AP1G1: variants seen among roughly 807,000 people sequenced by gnomAD.
The protein encoded by AP1G1 is adaptor related protein complex 1 subunit gamma 1, also known as AP-1 complex subunit gamma-1.
Under a neutral mutation model 108.3 loss-of-function variants are expected in AP1G1, and 7 were observed. That is an observed-to-expected ratio of 0.06 (90% confidence interval 0.04 to 0.12). The LOEUF (loss-of-function observed/expected upper bound fraction) is 0.12. Ranked by LOEUF, AP1G1 falls within the 10% of genes least tolerant of loss-of-function variation. The pLI, the probability that AP1G1 is intolerant of heterozygous loss-of-function variation, is 1.00. For missense variants in AP1G1, 756 were observed against 1,010.7 expected (o/e 0.75, Z 3.42); for synonymous variants, 379 against 353.5 (o/e 1.07, Z -0.81).
intron 2 of AP1G1, among the ~76,000 whole-genome samples, chr16:71,777,441 T>C (rs1342314684): frequency 6.6e-6 from 1 of 151,864 alleles, no homozygotes; most frequent in African/African-American, 2.4e-5. Flanking sequence ...GGTCAGTGTC[T>C]GGGAGAGGTG....
At chr16:71,744,571 GTTT>G (rs71856788) in intron 19 of AP1G1, among the ~76,000 whole-genome samples, 5 of 114,410 alleles carry the variant, frequency 4.4e-5, no homozygotes, top group African/African-American at 6.7e-5. Flanking sequence ...GAGAAAGTGT[GTTT>G]TTTTTTTTTT....
intron 13 of AP1G1, 158 bp downstream of exon 13, chr16:71,753,675 G>C: frequency 1.4e-6 from 1 of 699,218 alleles, no homozygotes; most frequent in South Asian, 1.7e-5. Flanking sequence ...ATTCCTCCAT[G>C]CTGCTTTAGG....
intron 14 of AP1G1, 95 bp from the exon 15 acceptor site, chr16:71,750,078 T>G: frequency 1.4e-6 from 2 of 1,465,650 alleles, no homozygotes; most frequent in South Asian, 1.1e-5. Context: ...AGATCAAAAC[T>G]GTGCATATCT....
At chr16:71,758,958 G>A (rs765036203) in intron 10 of AP1G1, 37 bp from the exon 11 acceptor site, 2 of 1,206,520 alleles carry the variant, frequency 1.7e-6, no homozygotes, top group Non-Finnish European at 1.2e-6. Flanking sequence ...GAGTTAAAAT[G>A]TAAAATTCAG....
intron 2 of AP1G1, among the ~76,000 whole-genome samples, chr16:71,788,955 C>A (rs2032305337): frequency 6.6e-6 from 1 of 152,144 alleles, no homozygotes; most frequent in Non-Finnish European, 1.5e-5. Flanking sequence ...CCATGCCCAG[C>A]AAGAAACATT....
chr16:71,747,781 A>G (rs2030261352), intron 16 of AP1G1, among the ~76,000 whole-genome samples: 1 of 152,098 alleles, frequency 6.6e-6, no homozygotes, highest in Non-Finnish European at 1.5e-5. Flanking sequence ...CAGGAGTTTG[A>G]GACCAGCCTG....
Position 71,778,010 on chromosome 16 carries a change from G to A in AP1G1, c.202-3418C>T, listed in dbSNP as rs1022107212. On this transcript the variant is annotated intron_variant, in intron 2 of 22. Transcript: ENST00000299980. Reference sequence around the variant, plus strand: ...TCACACTAAGTCACCAGTGACTGACGAATACAAGCTGTTTTTTGTAACATT... The same window carrying A: ...TCACACTAAGTCACCAGTGACTGACAAATACAAGCTGTTTTTTGTAACATT... 3.3e-5 allele frequency among the ~76,000 whole-genome samples: 5 copies of A among 152,172 alleles called. No individual in the cohort carries two copies. In the East Asian group the frequency reaches 5.8e-4, roughly 18 times the overall value.
intron 1 of AP1G1, chr16:71,808,555 G>C: frequency 7.8e-7 from 1 of 1,288,276 alleles, no homozygotes; most frequent in Non-Finnish European, 1.0e-6. Context: ...GAACCTCCCG[G>C]TCCGAGGCCT....
At chr16:71,748,173 GATAAC>G (rs2030283383) in intron 16 of AP1G1, 73 bp downstream of exon 16, 1 of 1,492,292 alleles carries the variant, frequency 6.7e-7, no homozygotes, top group Non-Finnish European at 9.1e-7. Flanking sequence ...AATTTTCCAT[GATAAC>G]AAGTTTTTTG....
At chr16:71,746,539 T>C (rs1048864155) in intron 17 of AP1G1, 49 bp downstream of exon 17, 6 of 1,146,824 alleles carry the variant, frequency 5.2e-6, no homozygotes, top group Non-Finnish European at 7.6e-6. Flanking sequence ...CATGACAATT[T>C]AGTCAGGATG....
intron 2 of AP1G1, among the ~76,000 whole-genome samples, chr16:71,787,529 AT>A (rs1019981297): frequency 1.3e-5 from 2 of 152,212 alleles, no homozygotes; most frequent in African/African-American, 4.8e-5. Flanking sequence ...TTCCTTGGGA[AT>A]ATGTAAATGT....
At chr16:71,799,200 T>C (rs2142276530) in intron 1 of AP1G1, among the ~76,000 whole-genome samples, 1 of 152,272 alleles carries the variant, frequency 6.6e-6, no homozygotes. Context: ...GTTACTGCTA[T>C]TTGGGATGAA....
chr16:71,760,158 C>T (rs7197104), intron 10 of AP1G1, among the ~76,000 whole-genome samples: 34,554 of 151,808 alleles, frequency 0.23, 4,586 homozygotes, highest in Non-Finnish European at 0.31. Context: ...GTGTGAGCCA[C>T]CACGCCCGGC....
intron 15 of AP1G1, among the ~76,000 whole-genome samples, chr16:71,748,939 C>T (rs1056287747): frequency 2.0e-5 from 3 of 151,798 alleles, no homozygotes; most frequent in African/African-American, 4.8e-5. Flanking sequence ...CGGAGTCTGG[C>T]TCTGTCACCC....
At chr16:71,762,516 G>A (rs182159261) in intron 9 of AP1G1, among the ~76,000 whole-genome samples, 2 of 152,254 alleles carry the variant, frequency 1.3e-5, no homozygotes, top group East Asian at 3.9e-4. Flanking sequence ...CCTTGGGGAG[G>A]GGAGAGATGC....
At chr16:71,759,135 G>C (rs2030951267) in intron 10 of AP1G1, among the ~76,000 whole-genome samples, 2 of 152,176 alleles carry the variant, frequency 1.3e-5, no homozygotes, top group East Asian at 1.9e-4. Flanking sequence ...TTGGATTTTA[G>C]ATTTGTATTC....
intron 2 of AP1G1, among the ~76,000 whole-genome samples, chr16:71,781,428 T>G (rs2032011666): frequency 6.6e-6 from 1 of 152,224 alleles, no homozygotes; most frequent in African/African-American, 2.4e-5. Flanking sequence ...CATTTCACCC[T>G]ATTTATTTTA....
chr16:71,806,798 T>C (rs1018377958), intron 1 of AP1G1: 5 of 986,978 alleles, frequency 5.1e-6, no homozygotes, highest in South Asian at 2.9e-5. Context: ...TAGTAACTAA[T>C]ATATTTTTGA....
In AP1G1 at chr16:71,783,077, CTTTAT is replaced by C. The variant is rs150148906; in HGVS notation, c.201+6197_201+6201del. Among the ~76,000 whole-genome samples, 870 of 152,180 alleles carry C rather than the reference CTTTAT, an allele frequency of 5.7e-3. 14 individuals carry two copies. The highest frequency in any genetic ancestry group is 0.02 in the African/African-American group (810 of 41,510). ...TCAAGGAATAGTACTAGCTTAAGTA[CTTTAT>C]TTTAAGAAAAAAATTCCTTAATGTG... On this transcript the variant is annotated intron_variant, in intron 2 of 22. Coordinates refer to ENST00000299980, the MANE Select transcript of AP1G1 (RefSeq NM_001128.6).
Sources: gnomAD v4.1 joint callset for allele counts (sites outside exome capture counted in the v4.1 genomes callset) on GRCh38, gnomAD v4.1.1 for gene constraint, MANE v1.5 for transcripts, NCBI Gene and HGNC (gene_info 2026-07-23, HGNC 2026-07-21) for gene names.